FOXN1: variants seen among roughly 807,000 people sequenced by gnomAD.
FOXN1 encodes the protein forkhead box N1.
FOXN1 carries 15 observed loss-of-function variants against 49.0 expected under a neutral mutation model. The observed-to-expected ratio is 0.31, with a 90% CI of 0.20 to 0.47. The LOEUF is 0.47. FOXN1 is among the 20% of genes least tolerant of loss of function. The pLI, the probability that FOXN1 is intolerant of heterozygous loss-of-function variation, is 1.00. For synonymous variants in FOXN1, 356 were observed against 369.0 expected, an observed-to-expected ratio of 0.96 and a Z score of 0.40; for missense variants, 800 against 842.8, an observed-to-expected ratio of 0.95 and a Z score of 0.63.
At position 28,529,110 on chromosome 17, in the gene FOXN1, G is replaced by A. The variant is rs369460924; in HGVS notation, c.716G>A (p.Gly239Asp). ...CCTCCTCAGTACTCGCCAGGTGGTGGCAGCTACCCCATACCCTACCTGGGC... is the reference window on the plus strand; with the variant it reads ...CCTCCTCAGTACTCGCCAGGTGGTGACAGCTACCCCATACCCTACCTGGGC... Reference protein sequence around the residue: ...PPFHQYSPGGGSYPIPYLGSS... With the variant: ...PPFHQYSPGGDSYPIPYLGSS... The change falls in exon 5 of 9, where the codon GGC becomes GAC. Residue 239 changes from glycine to aspartate, a missense_variant. Physicochemically the swap from Gly to Asp is moderately conservative, Grantham distance 94. This residue lies in a region of FOXN1 where 383 missense variants were observed against 357.9 expected (regional missense o/e 1.07). Coordinates refer to ENST00000579795, the MANE Select transcript of FOXN1 (RefSeq NM_001369369.1). 1.5e-4 allele frequency: 237 copies of A among 1,614,018 alleles called. No individual in the cohort carries two copies. Among genetic ancestry groups the A allele is most frequent in the Non-Finnish European group, 1.9e-4 (221 of 1,180,000 alleles).
chr17:28,517,089 C>T lies in FOXN1; in HGVS notation c.-14-6867C>T, dbSNP rs1434495592. Among the ~76,000 whole-genome samples, 5 of 91,810 alleles carry T rather than the reference C, an allele frequency of 5.4e-5. No homozygotes were observed. In the East Asian group the frequency reaches 1.2e-3, roughly 22 times the overall value. 60.2% of individuals were successfully genotyped at this position (91,810 alleles called of 152,430 possible). On this transcript the variant is annotated intron_variant, in intron 1 of 8. Coordinates refer to ENST00000579795, the MANE Select transcript of FOXN1 (RefSeq NM_001369369.1). ...CACCTCCACAGGGTACACACTTCCACAGGGTACACACCTCCACAGGATCCA... is the reference window on the plus strand; with the variant it reads ...CACCTCCACAGGGTACACACTTCCATAGGGTACACACCTCCACAGGATCCA...
intron 1 of FOXN1, among the ~76,000 whole-genome samples, chr17:28,520,812 G>C (rs2069626744): frequency 6.6e-6 from 1 of 152,206 alleles, no homozygotes; most frequent in Admixed American, 6.5e-5. Flanking sequence ...CTGGAGTTCA[G>C]AGAGGCCTCC....
chr17:28,524,529 A>T lies in FOXN1; in HGVS notation c.150A>T (p.Ser50=), dbSNP rs1182010105. Residue 50 remains serine (S), a synonymous_variant, in exon 3 of 9, where the codon TCA becomes TCT. Coordinates refer to ENST00000579795, the MANE Select transcript of FOXN1 (RefSeq NM_001369369.1). ...QSKHAGFSCS[S]FVSDGPPERT... Reference sequence around the variant, plus strand: ...AGCATGCCGGCTTCAGCTGCTCGTCATTTGTGTCCGACGGCCCTCCAGAGA... The same window carrying T: ...AGCATGCCGGCTTCAGCTGCTCGTCTTTTGTGTCCGACGGCCCTCCAGAGA... The T allele has an allele frequency of 1.9e-6, 3 of 1,613,598 alleles. No individual in the cohort carries two copies. The South Asian group carries it at 3.3e-5, about 18-fold the overall frequency.
chr17:28,517,320 C>A (rs2069537026), intron 1 of FOXN1, among the ~76,000 whole-genome samples: 1 of 148,900 alleles, frequency 6.7e-6, no homozygotes, highest in Non-Finnish European at 1.5e-5. Flanking sequence ...AAGATACACA[C>A]CTCCACAGGG....
intron 6 of FOXN1, 123 bp downstream of exon 6, chr17:28,530,968 C>T (rs2069899347): frequency 2.8e-6 from 2 of 705,992 alleles, no homozygotes; most frequent in Non-Finnish European, 5.2e-6. Flanking sequence ...AGAGGGCTTA[C>T]CCCCACCATG....
chr17:28,514,565 G>A (rs1272286073), intron 1 of FOXN1, among the ~76,000 whole-genome samples: 1 of 152,024 alleles, frequency 6.6e-6, no homozygotes, highest in Admixed American at 6.5e-5. Context: ...CCCCATAATT[G>A]CCGAGCTGCT....
At position 28,524,837 on chromosome 17, in the gene FOXN1, G is replaced by A. The variant is rs755829506; in HGVS notation, c.458G>A (p.Gly153Glu). Residue 153 changes from glycine to glutamate, a missense_variant, in exon 3 of 9, where the codon GGG (glycine) becomes GAG (glutamate). Physicochemically the swap from Gly to Glu is moderately conservative, Grantham distance 98. Coordinates refer to ENST00000579795, the MANE Select transcript of FOXN1 (RefSeq NM_001369369.1). ...AAAGGACACTCCTTTAAGACCCCAG[G>A]GCCGCTGGAGGCCTTCGAGGAGATC... The part of the protein sequence containing the change: ...ALKGHSFKTP[G>E]PLEAFEEIPV... The A allele has an allele frequency of 1.2e-6, 2 of 1,613,784 alleles. No individual in the cohort carries two copies. Among genetic ancestry groups the A allele is most frequent in the Non-Finnish European group, 8.5e-7 (1 of 1,180,006 alleles).
intron 1 of FOXN1, among the ~76,000 whole-genome samples, chr17:28,507,985 G>T (rs1457937088): frequency 6.6e-6 from 1 of 152,190 alleles, no homozygotes; most frequent in African/African-American, 2.4e-5. Context: ...GGAGCCACAG[G>T]GAGAGGCGCA....
intron 1 of FOXN1, among the ~76,000 whole-genome samples, chr17:28,514,730 T>C (rs1359776390): frequency 6.6e-6 from 1 of 151,864 alleles, no homozygotes; most frequent in African/African-American, 2.4e-5. Flanking sequence ...ACCTCACTCA[T>C]AAAGAGTGGG....
At chr17:28,526,498 A>G (rs1170742546) in intron 3 of FOXN1, among the ~76,000 whole-genome samples, 1 of 152,178 alleles carries the variant, frequency 6.6e-6, no homozygotes, top group African/African-American at 2.4e-5. Context: ...AGAGCTCTGC[A>G]CTAGGCCCTG....
intron 1 of FOXN1, among the ~76,000 whole-genome samples, chr17:28,516,735 G>A (rs1418752860): frequency 6.9e-6 from 1 of 145,336 alleles, no homozygotes; most frequent in African/African-American, 2.6e-5. Flanking sequence ...CACCTCCACA[G>A]GGTACACACT....
chr17:28,509,875 G>C (rs1225117777), intron 1 of FOXN1, among the ~76,000 whole-genome samples: 2 of 152,198 alleles, frequency 1.3e-5, no homozygotes, highest in African/African-American at 4.8e-5. Context: ...AGCAGGAGCA[G>C]GGATTTTTAG....
intron 1 of FOXN1, among the ~76,000 whole-genome samples, chr17:28,509,447 G>A (rs61591721): frequency 0.035 from 5,336 of 152,100 alleles, 303 homozygotes; most frequent in African/African-American, 0.12. Context: ...CATTCCTCAG[G>A]ATGGATCTCC....
At chr17:28,507,819 G>A (rs1167555446) in intron 1 of FOXN1, among the ~76,000 whole-genome samples, 2 of 152,206 alleles carry the variant, frequency 1.3e-5, no homozygotes, top group Non-Finnish European at 2.9e-5. Flanking sequence ...ACCCCGAGTG[G>A]ATGGGGGAAG....
rs138510671 is a variant in FOXN1 at position 28,524,604 on chromosome 17, C to T, written c.225C>T (p.Pro75=). 5 of 1,613,604 alleles carry T rather than the reference C, an allele frequency of 3.1e-6. No homozygotes were observed. The highest frequency in any genetic ancestry group is 2.2e-5 in the East Asian group (1 of 44,878). The change falls in exon 3 of 9, where the codon CCC becomes CCT. Residue 75 remains proline (P), a synonymous_variant. Transcript: ENST00000579795. ...PHSPRIASPG[P]EQVQGHCPAG... The stretch of plus-strand genomic sequence containing the variant: ...GCCCCCGCATTGCGTCACCAGGGCC[C>T]GAGCAAGTCCAGGGCCACTGCCCAG...
Position 28,537,103 on chromosome 17 carries a change from C to T in FOXN1, c.1628-14C>T. 1 of 1,611,842 alleles carries T rather than the reference C, an allele frequency of 6.2e-7. No homozygotes were observed. Among genetic ancestry groups the T allele is most frequent in the Non-Finnish European group, 8.5e-7 (1 of 1,177,844 alleles). On this transcript the variant is annotated splice_polypyrimidine_tract_variant and intron_variant, in intron 8 of 8. Coordinates refer to ENST00000579795, the MANE Select transcript of FOXN1 (RefSeq NM_001369369.1). ...TGCCTCCCAGTGACACCTGTTCTCT[C>T]CTTCCCCATCTAGGAAACCTGTGGG... is the stretch of plus-strand genomic sequence containing the variant.
rs560918643 is a variant in FOXN1, at chr17:28,517,279, G to A, written c.-14-6677G>A. On this transcript the variant is annotated intron_variant, in intron 1 of 8. Coordinates refer to ENST00000579795, the MANE Select transcript of FOXN1 (RefSeq NM_001369369.1). ...CTCCACAGGGACACACCTCCACAGGGTACACACCTCCACAGGGTACATGCC... is the reference window on the plus strand; with the variant it reads ...CTCCACAGGGACACACCTCCACAGGATACACACCTCCACAGGGTACATGCC... Among the ~76,000 whole-genome samples the A allele has an allele frequency of 8.7e-4, 123 of 141,254 alleles. 1 individual carries two copies. The highest frequency in any genetic ancestry group is 3.1e-3 in the African/African-American group (115 of 37,368). The allele number at this position is 141,254 out of a possible 152,430, so 92.7% of individuals were successfully genotyped here. A position where few individuals can be genotyped will look rare whatever the true frequency, so the allele number is the denominator to read the frequency against.
chr17:28,508,006 G>GCTCCCCGCCCAGCCC (rs2069300605), intron 1 of FOXN1, among the ~76,000 whole-genome samples: 1 of 152,178 alleles, frequency 6.6e-6, no homozygotes. Flanking sequence ...TGTCCTCCCG[G>GCTCCCCGCCCAGCCC]CTCCCCGCCC....
rs201850763 is a variant in FOXN1, at chr17:28,535,043, C to T, written c.1472C>T (p.Ser491Leu). ...LRAQPGTPQD[S>L]PLPAHTPPSH... ...GCCCAGCCAGGCACCCCCCAGGACT[C>T]GCCTCTGCCTGCCCACACCCCACCC... is the stretch of plus-strand genomic sequence containing the variant. The change falls in exon 8 of 9, where the codon TCG becomes TTG. Residue 491 changes from serine (S) to leucine (L), a missense_variant. Physicochemically the swap from Ser to Leu is moderately radical, Grantham distance 145. Transcript: ENST00000579795. 547 of 1,612,380 alleles carry T rather than the reference C, an allele frequency of 3.4e-4. No homozygotes were observed. The highest frequency in any genetic ancestry group is 2.4e-4 in the Non-Finnish European group (278 of 1,178,984).
Sources: allele counts gnomAD v4.1 joint callset (sites outside exome capture counted in the v4.1 genomes callset), GRCh38; gene constraint gnomAD v4.1.1; regional missense constraint gnomAD v4.1.1; transcripts MANE v1.5; gene names NCBI Gene and HGNC (gene_info 2026-07-23, HGNC 2026-07-21).